LONP1: variants seen among roughly 807,000 people sequenced by gnomAD.
LONP1 encodes the protein lon protease homolog, mitochondrial.
LONP1 carries 31 observed loss-of-function variants against 98.5 expected under a neutral mutation model. The ratio of observed to expected loss-of-function variants is 0.31; its 90% CI spans 0.24 to 0.42. The LOEUF is 0.42. Ranked by LOEUF, LONP1 falls within the 20% of genes least tolerant of loss-of-function variation. LONP1 has a pLI of 1.00. For synonymous variants in LONP1, 781 were observed against 594.7 expected (o/e 1.31, Z -4.56); for missense variants, 1,336 against 1,350.6 (o/e 0.99, Z 0.17).
intron 6 of LONP1, among the ~76,000 whole-genome samples, chr19:5,707,371 G>A (rs1692233221): frequency 6.6e-6 from 1 of 152,190 alleles, no homozygotes; most frequent in African/African-American, 2.4e-5. Context: ...GACGCGCTCA[G>A]GAGTGCTGCT....
At chr19:5,712,051 T>C in intron 3 of LONP1, 49 bp from the exon 4 acceptor site, 2 of 1,500,882 alleles carry the variant, frequency 1.3e-6, no homozygotes, top group East Asian at 2.4e-5. Context: ...GGCTGGGAGC[T>C]GGACCCGGCT....
intron 7 of LONP1, among the ~76,000 whole-genome samples, chr19:5,706,239 C>A (rs1019766071): frequency 6.6e-6 from 1 of 152,066 alleles, no homozygotes; most frequent in Non-Finnish European, 1.5e-5. Flanking sequence ...TGGGCTCAAG[C>A]GATCCTCCTG....
intron 10 of LONP1, among the ~76,000 whole-genome samples, chr19:5,697,060 A>G (rs968702435): frequency 4.0e-5 from 6 of 151,598 alleles, no homozygotes; most frequent in African/African-American, 1.5e-4. Context: ...GAAGGCCCCC[A>G]CTCCTCACTG....
intron 10 of LONP1, among the ~76,000 whole-genome samples, chr19:5,698,140 C>G (rs1376798196): frequency 6.6e-6 from 1 of 151,870 alleles, no homozygotes; most frequent in Non-Finnish European, 1.5e-5. Flanking sequence ...CCAGCTCCTC[C>G]CAACTCCCGG....
In LONP1 at chr19:5,708,367, T is replaced by C; in HGVS notation, c.907A>G (p.Ile303Val). The C allele has an allele frequency of 1.4e-6, 2 of 1,395,230 alleles. No individual in the cohort carries two copies. Among genetic ancestry groups the C allele is most frequent in the East Asian group, 5.0e-5 (2 of 39,788 alleles). The allele number at this position is 1,395,230 out of a possible 1,614,324, so 86.4% of individuals were successfully genotyped here. The change falls in exon 5 of 18, where the codon ATC becomes GTC. Residue 303 changes from isoleucine (I) to valine (V), a missense_variant. Around this residue, in one of 5 missense-constraint regions of LONP1, gnomAD observed 97 missense variants for 139.0 expected, o/e 0.70. Coordinates refer to ENST00000360614, the MANE Select transcript of LONP1 (RefSeq NM_004793.4). ...CTGTAGAGAGGGTTCAAGGCAATGA[T>C]GTCCCGGATGGTCTTCACGATCTCT... ...TAEIVKTIRD[I>V]IALNPLYRES...
intron 10 of LONP1, 54 bp from the exon 11 acceptor site, chr19:5,696,811 C>G: frequency 2.4e-6 from 3 of 1,231,704 alleles, no homozygotes; most frequent in Middle Eastern, 1.9e-4. Flanking sequence ...TCGGCCACAA[C>G]GACACCATGC....
chr19:5,706,474 T>C (rs1184247097), intron 7 of LONP1, among the ~76,000 whole-genome samples: 2 of 151,876 alleles, frequency 1.3e-5, no homozygotes, highest in East Asian at 1.9e-4. Context: ...CGGTGTGGTA[T>C]TGCACGCCTG....
At position 5,716,886 on chromosome 19, in the gene LONP1, T is replaced by C. The variant is rs534313840; in HGVS notation, c.430-2615A>G. ...TCAGCTCACTGCAAGCTCCGCCTCC[T>C]GGGTTCACACCATTCTCCTGCCTCA... On this transcript the variant is annotated intron_variant, in intron 1 of 17. Coordinates refer to ENST00000360614, the MANE Select transcript of LONP1 (RefSeq NM_004793.4). Among the ~76,000 whole-genome samples, 124 of 152,278 alleles carry C rather than the reference T, an allele frequency of 8.1e-4. 2 individuals are homozygous for C. In the South Asian group the frequency reaches 0.025, roughly 31 times the overall value.
intron 4 of LONP1, among the ~76,000 whole-genome samples, chr19:5,710,391 G>C (rs1308680922): frequency 6.6e-6 from 1 of 151,370 alleles, no homozygotes; most frequent in Non-Finnish European, 1.5e-5. Flanking sequence ...TGCCCGGCCT[G>C]AATTTTTTTA....
rs2054892754 is a variant in LONP1 at position 5,694,650 on chromosome 19, GGTGGGGTGATGGGCGCAGGAAA to G, written c.2154+89_2155-99del. 5.8e-6 allele frequency: 9 copies of G among 1,564,818 alleles called. No homozygotes were observed. In the East Asian group the frequency reaches 6.8e-5, roughly 12 times the overall value. On this transcript the variant is annotated intron_variant, in intron 14 of 17. Coordinates refer to ENST00000360614, the MANE Select transcript of LONP1 (RefSeq NM_004793.4). The stretch of plus-strand genomic sequence containing the variant: ...CAGAAAGGTGTGACGGGCGCGGGGT[GGTGGGGTGATGGGCGCAGGAAA>G]GTGGGATGATGGGCATGGAAAGGTG...
chr19:5,719,987 G>A lies in LONP1; in HGVS notation c.146C>T (p.Ser49Phe), dbSNP rs1282360301. The A allele has an allele frequency of 1.6e-5, 26 of 1,582,794 alleles. No individual in the cohort carries two copies. Among genetic ancestry groups the A allele is most frequent in the Admixed American group, 3.6e-5 (2 of 55,600 alleles). ...LLRGQRTCDA[S>F]PPWALWGRGP... ...TCGGCCCCACAGTGCCCAAGGAGGAGAGGCGTCGCAGGTCCGCTGGCCTCG... is the reference window on the plus strand; with the variant it reads ...TCGGCCCCACAGTGCCCAAGGAGGAAAGGCGTCGCAGGTCCGCTGGCCTCG... The change falls in exon 1 of 18, where the codon TCT becomes TTT. Residue 49 changes from serine to phenylalanine, a missense_variant. Physicochemically the swap from Ser to Phe is radical, Grantham distance 155. This residue lies in a region of LONP1 where 457 missense variants were observed against 403.1 expected (regional missense o/e 1.13). Transcript: ENST00000360614.
intron 4 of LONP1, among the ~76,000 whole-genome samples, chr19:5,709,780 C>T (rs1263979576): frequency 1.3e-5 from 2 of 150,388 alleles, no homozygotes; most frequent in Non-Finnish European, 3.0e-5. Flanking sequence ...GGTGTGGTGG[C>T]GGGCACCTGT....
intron 10 of LONP1, 25 bp from the exon 11 acceptor site, chr19:5,696,782 G>A (rs1311656740): frequency 3.2e-6 from 5 of 1,555,588 alleles, no homozygotes; most frequent in Non-Finnish European, 4.4e-6. Context: ...CGGGGTCAGA[G>A]GTCACTTGGT....
chr19:5,698,944 A>T, intron 10 of LONP1, 83 bp downstream of exon 10: 1 of 1,393,140 alleles, frequency 7.2e-7, no homozygotes, highest in Non-Finnish European at 9.6e-7. Context: ...GCTCTACCAG[A>T]TGTTAAAGGG....
chr19:5,720,293 CA>C, upstream of LONP1: 1 of 1,043,094 alleles, frequency 9.6e-7, no homozygotes, highest in Non-Finnish European at 1.3e-6. Flanking sequence ...GGAGTTCGAG[CA>C]TCGGATCGTC....
rs982440168 is a variant in LONP1 at position 5,700,874 on chromosome 19, C to G, written c.1421G>C (p.Ser474Thr). The change falls in exon 9 of 18, where the codon AGC becomes ACC. Residue 474 changes from serine (S) to threonine (T), a missense_variant. Transcript: ENST00000360614. Reference sequence around the variant, plus strand: ...CCGCGCCAGGTCCAGGTTCTCGTTGCTGTACTTGCCCCAAGGGATGGACGT... The same window carrying G: ...CCGCGCCAGGTCCAGGTTCTCGTTGGTGTACTTGCCCCAAGGGATGGACGT... ...WLTSIPWGKY[S>T]NENLDLARAQ... 6.2e-7 allele frequency: 1 copy of G among 1,614,250 alleles called. No individual in the cohort carries two copies. The highest frequency in any genetic ancestry group is 2.2e-5 in the East Asian group (1 of 44,888).
At chr19:5,711,650 G>T in intron 4 of LONP1, 121 bp downstream of exon 4, 1 of 787,810 alleles carries the variant, frequency 1.3e-6, no homozygotes, top group Non-Finnish European at 2.1e-6. Context: ...GTTCCAGACA[G>T]GCCAGACCCT....
intron 14 of LONP1, 104 bp from the exon 15 acceptor site, chr19:5,694,656 G>GTGATGGGCGCAGGAAAGTGGGA (rs1410978048): frequency 5.1e-6 from 8 of 1,564,414 alleles, no homozygotes; most frequent in Non-Finnish European, 6.1e-6. Flanking sequence ...GGGTGGTGGG[G>GTGATGGGCGCAGGAAAGTGGGA]TGATGGGCGC....
chr19:5,695,698 T>C (rs1482176498), intron 13 of LONP1, among the ~76,000 whole-genome samples: 2 of 151,370 alleles, frequency 1.3e-5, no homozygotes, highest in African/African-American at 4.8e-5. Flanking sequence ...AGCCTCATTC[T>C]GGGTGGGAGC....
Sources: gnomAD v4.1 joint callset for allele counts (sites outside exome capture counted in the v4.1 genomes callset) on GRCh38, gnomAD v4.1.1 for gene constraint, gnomAD v4.1.1 regional missense constraint, MANE v1.5 for transcripts, NCBI Gene and HGNC (gene_info 2026-07-23, HGNC 2026-07-21) for gene names.